Variants in LRRN2 observed in about 807,000 individuals in gnomAD.
LRRN2 encodes leucine rich repeat neuronal 2.
In LRRN2, 10 loss-of-function variants were observed where a neutral mutation model predicts 35.7. The ratio of observed to expected loss-of-function variants is 0.28; its 90% confidence interval spans 0.17 to 0.47. The LOEUF is 0.47. Among genes scored for constraint, LRRN2 ranks in the 20% least tolerant of loss-of-function variants. The pLI is 0.99. For synonymous variants in LRRN2, 391 were observed against 409.6 expected, an observed-to-expected ratio of 0.95 and a Z score of 0.55; for missense variants, 731 against 940.3, an observed-to-expected ratio of 0.78 and a Z score of 2.91.
At chr1:204,620,280 G>GTGTT in intron 1 of LRRN2, 62 bp from the exon 2 acceptor site, 1 of 1,193,858 alleles carries the variant, frequency 8.4e-7, no homozygotes, top group Non-Finnish European at 1.1e-6. Context: ...CCCTCCTCCC[G>GTGTT]TGTTTGTTTG....
intron 1 of LRRN2, among the ~76,000 whole-genome samples, chr1:204,652,915 G>A (rs994318014): frequency 3.3e-5 from 5 of 152,200 alleles, no homozygotes; most frequent in African/African-American, 1.2e-4. Context: ...CTGGCAGGGA[G>A]GTGAGGTCTT....
At chr1:204,654,332 T>C (rs1401318171) in intron 1 of LRRN2, among the ~76,000 whole-genome samples, 2 of 152,216 alleles carry the variant, frequency 1.3e-5, no homozygotes, top group Admixed American at 1.3e-4. Context: ...ATTTATGGGT[T>C]TGAATACTGT....
chr1:204,626,949 CTTTTTCTTTTTTT>C (rs1667427642), intron 1 of LRRN2: 1 of 137,520 alleles, frequency 7.3e-6, no homozygotes, highest in South Asian at 2.4e-4. Flanking sequence ...TTTCTTTTTT[CTTTTTCTTTTTTT>C]TTTTGCCTAG....
Position 204,620,981 on chromosome 1 carries a change from C to G in LRRN2, c.-226-763G>C, listed in dbSNP as rs546098322. The G allele has an allele frequency of 4.3e-4, 71 of 166,936 alleles. 1 individual carries two copies. Among genetic ancestry groups the G allele is most frequent in the Non-Finnish European group, 8.4e-4 (57 of 68,116 alleles). The allele number at this position is 166,936 out of a possible 1,614,324, so 10.3% of individuals were successfully genotyped here. On this transcript the variant is annotated intron_variant, in intron 1 of 1. Transcript: ENST00000367177. ...TGGAAATAAGTACAGCTTCTAAAAT[C>G]TGGGATGGGCTCCCCAGGACCCTAG...
At chr1:204,620,435 G>A in intron 1 of LRRN2, 1 of 195,822 alleles carries the variant, frequency 5.1e-6, no homozygotes, top group Non-Finnish European at 1.1e-5. Context: ...CACCACTCCT[G>A]GCTAATTTTT....
intron 1 of LRRN2, among the ~76,000 whole-genome samples, chr1:204,645,465 A>C (rs1310467525): frequency 1.3e-5 from 2 of 152,304 alleles, no homozygotes; most frequent in East Asian, 3.9e-4. Context: ...GTGTCTGGAC[A>C]TGGGTAAAAG....
chr1:204,624,318 C>T (rs906876047), intron 1 of LRRN2, among the ~76,000 whole-genome samples: 1 of 152,210 alleles, frequency 6.6e-6, no homozygotes, highest in Non-Finnish European at 1.5e-5. Context: ...GCACACAGAC[C>T]TCAGCCTGCC....
At position 204,659,924 on chromosome 1, in the gene LRRN2, T is replaced by C. The variant is rs556853301; in HGVS notation, c.-227+25396A>G. On this transcript the variant is annotated intron_variant, in intron 1 of 1. Coordinates refer to ENST00000367177, the MANE Select transcript of LRRN2 (RefSeq NM_201630.2). Reference sequence around the variant, plus strand: ...CCAGGGACTAAGAACTCCTGGCTCATTGACCCCTCTTTACATAATAGAGAA... The same window carrying C: ...CCAGGGACTAAGAACTCCTGGCTCACTGACCCCTCTTTACATAATAGAGAA... Among the ~76,000 whole-genome samples, 92 of 152,350 alleles carry C rather than the reference T, an allele frequency of 6.0e-4. 1 individual carries two copies. The highest frequency in any genetic ancestry group is 2.0e-3 in the African/African-American group (82 of 41,586).
intron 1 of LRRN2, among the ~76,000 whole-genome samples, chr1:204,679,889 G>A (rs1317033105): frequency 6.6e-6 from 1 of 152,204 alleles, no homozygotes; most frequent in Non-Finnish European, 1.5e-5. Flanking sequence ...GAAAAAAAAG[G>A]TCACAGAGAC....
chr1:204,625,700 C>T (rs1258817684), intron 1 of LRRN2, among the ~76,000 whole-genome samples: 1 of 152,208 alleles, frequency 6.6e-6, no homozygotes, highest in Non-Finnish European at 1.5e-5. Context: ...ATTCCCCTTC[C>T]TTTTCCATGA....
chr1:204,626,444 G>C (rs1667361261), intron 1 of LRRN2, among the ~76,000 whole-genome samples: 1 of 151,656 alleles, frequency 6.6e-6, no homozygotes, highest in African/African-American at 2.4e-5. Flanking sequence ...CCACACCTTG[G>C]GCCTCTCACT....
At chr1:204,667,407 G>A (rs894713713) in intron 1 of LRRN2, among the ~76,000 whole-genome samples, 12 of 151,916 alleles carry the variant, frequency 7.9e-5, no homozygotes, top group African/African-American at 2.9e-4. Context: ...TAAAAAATAG[G>A]GTGCAAAACA....
chr1:204,639,115 T>C (rs1241789792), intron 1 of LRRN2, among the ~76,000 whole-genome samples: 2 of 152,202 alleles, frequency 1.3e-5, no homozygotes, highest in African/African-American at 2.4e-5. Flanking sequence ...TCAACCTCCC[T>C]AGCTGGTCAG....
At position 204,619,169 on chromosome 1, in the gene LRRN2, C is replaced by T. The variant is rs1046755542; in HGVS notation, c.824G>A (p.Arg275Gln). The change falls in exon 2 of 2, where the codon CGG becomes CAG. Residue 275 changes from arginine to glutamine, a missense_variant. Physicochemically the swap from Arg to Gln is conservative, Grantham distance 43. Coordinates refer to ENST00000367177, the MANE Select transcript of LRRN2 (RefSeq NM_201630.2). Reference protein sequence around the residue: ...FLDLNKNPLQRVGPGDFANML... With the variant: ...FLDLNKNPLQQVGPGDFANML... ...GTTGGCAAAGTCCCCCGGCCCTACC[C>T]GCTGGAGCGGGTTCTTGTTGAGGTC... 1.8e-5 allele frequency: 29 copies of T among 1,613,942 alleles called. No homozygotes were observed. The highest frequency in any genetic ancestry group is 2.4e-5 in the Non-Finnish European group (28 of 1,180,042).
chr1:204,684,347 G>C (rs1351440181), intron 1 of LRRN2, among the ~76,000 whole-genome samples: 3 of 152,190 alleles, frequency 2.0e-5, no homozygotes, highest in African/African-American at 4.8e-5. Context: ...CCAACAGATG[G>C]GAGCTGCGGC....
At position 204,619,251 on chromosome 1, in the gene LRRN2, G is replaced by T. The variant is rs1434635339; in HGVS notation, c.742C>A (p.Gln248Lys). Residue 248 changes from glutamine to lysine, a missense_variant, in exon 2 of 2, where the codon CAG (glutamine) becomes AAG (lysine). Gln to Lys is a moderately conservative substitution (Grantham distance 53). This residue lies in a region of LRRN2 where 256 missense variants were observed against 392.4 expected (regional missense o/e 0.65). Coordinates refer to ENST00000367177, the MANE Select transcript of LRRN2 (RefSeq NM_201630.2). The part of the protein sequence containing the change: ...SLESLSFYDN[Q>K]LARVPRRALE... ...GCCCGCCTGGGCACCCGGGCCAGCTGGTTGTCATAGAAGGAGAGGCTCTCC... is the reference window on the plus strand; with the variant it reads ...GCCCGCCTGGGCACCCGGGCCAGCTTGTTGTCATAGAAGGAGAGGCTCTCC... The T allele has an allele frequency of 3.7e-6, 6 of 1,614,056 alleles. No individual in the cohort carries two copies. The highest frequency in any genetic ancestry group is 5.1e-6 in the Non-Finnish European group (6 of 1,180,052).
chr1:204,640,098 T>C (rs1480133109), intron 1 of LRRN2, among the ~76,000 whole-genome samples: 1 of 152,208 alleles, frequency 6.6e-6, no homozygotes, highest in Non-Finnish European at 1.5e-5. Context: ...CCAGGTAGCT[T>C]ATAAACAACA....
intron 1 of LRRN2, among the ~76,000 whole-genome samples, chr1:204,652,074 T>C (rs1308705196): frequency 1.3e-5 from 2 of 152,256 alleles, no homozygotes; most frequent in Admixed American, 6.5e-5. Flanking sequence ...TGAAGCCGTC[T>C]TTAATTAGTG....
At position 204,617,747 on chromosome 1, in the gene LRRN2, G is replaced by T; in HGVS notation, c.*104C>A. On this transcript the variant is annotated 3_prime_UTR_variant, in exon 2 of 2. Coordinates refer to ENST00000367177, the MANE Select transcript of LRRN2 (RefSeq NM_201630.2). ...GGCCCAGCTGCCAGGCCTCAAGCACGTGGGTCCATGTCCCTTTCCTGGCAG... is the reference window on the plus strand; with the variant it reads ...GGCCCAGCTGCCAGGCCTCAAGCACTTGGGTCCATGTCCCTTTCCTGGCAG... The T allele has an allele frequency of 7.8e-7, 1 of 1,278,180 alleles. No homozygotes were observed. Among genetic ancestry groups the T allele is most frequent in the Non-Finnish European group, 1.1e-6 (1 of 893,404 alleles). 79.2% of individuals were successfully genotyped at this position (1,278,180 alleles called of 1,614,324 possible).
Sources: allele counts gnomAD v4.1 joint callset (sites outside exome capture counted in the v4.1 genomes callset), GRCh38; gene constraint gnomAD v4.1.1; regional missense constraint gnomAD v4.1.1; transcripts MANE v1.5; gene names NCBI Gene and HGNC (gene_info 2026-07-23, HGNC 2026-07-21).